The following FAT4 variants were observed in gnomAD, a reference collection of about 807,000 sequenced individuals.
The protein encoded by FAT4 is FAT atypical cadherin 4, also known as protocadherin Fat 4.
In FAT4, 84 loss-of-function variants were observed where a neutral mutation model predicts 303.9. The ratio of observed to expected loss-of-function variants is 0.28; its 90% CI spans 0.23 to 0.33. FAT4 has a LOEUF of 0.33. Ranked by LOEUF, FAT4 falls within the 10% of genes least tolerant of loss-of-function variation. The pLI is 1.00. For missense variants in FAT4, 6,005 were observed against 6,146.8 expected (o/e 0.98, Z 0.77); for synonymous variants, 2,307 against 2,298.8 (o/e 1.00, Z -0.10).
In FAT4 at chr4:125,320,541, A is replaced by C. The variant is rs748256411; in HGVS notation, c.4130A>C (p.Lys1377Thr). The C allele has an allele frequency of 6.2e-7, 1 of 1,614,058 alleles. No individual in the cohort carries two copies. Among genetic ancestry groups the C allele is most frequent in the Non-Finnish European group, 8.5e-7 (1 of 1,179,948 alleles). The part of the protein sequence containing the change: ...PNTGSIFLAK[K>T]LDFETQSLYK... ...ACTGGGAGTATTTTTCTTGCCAAAA[A>C]ACTGGACTTTGAAACACAGTCTTTG... Residue 1377 changes from lysine (K) to threonine (T), a missense_variant, in exon 2 of 18, where the codon AAA (lysine) becomes ACA (threonine). Physicochemically the swap from Lys to Thr is moderately conservative, Grantham distance 78. Coordinates refer to ENST00000394329, the MANE Select transcript of FAT4 (RefSeq NM_001291303.3).
chr4:125,405,863 T>C (rs1734581806), intron 3 of FAT4, among the ~76,000 whole-genome samples: 1 of 152,168 alleles, frequency 6.6e-6, no homozygotes, highest in African/African-American at 2.4e-5. Flanking sequence ...TTAACCATTT[T>C]TTTATTGGAT....
chr4:125,353,477 T>C (rs923376893), intron 2 of FAT4, among the ~76,000 whole-genome samples: 1 of 151,682 alleles, frequency 6.6e-6, no homozygotes, highest in East Asian at 1.9e-4. Context: ...GATGAATATG[T>C]TTTAAAGTAA....
chr4:125,469,044 A>G (rs988356842), intron 12 of FAT4, among the ~76,000 whole-genome samples: 3 of 152,194 alleles, frequency 2.0e-5, no homozygotes, highest in African/African-American at 7.2e-5. Context: ...AATTTCATTG[A>G]TATTTTTTGT....
At chr4:125,376,448 G>A (rs1733324165) in intron 2 of FAT4, among the ~76,000 whole-genome samples, 1 of 152,126 alleles carries the variant, frequency 6.6e-6, no homozygotes, top group Non-Finnish European at 1.5e-5. Context: ...GGGGCCTGTC[G>A]TGGGGTGAGG....
intron 2 of FAT4, among the ~76,000 whole-genome samples, chr4:125,397,790 T>C (rs968446001): frequency 6.6e-6 from 1 of 152,174 alleles, no homozygotes; most frequent in African/African-American, 2.4e-5. Flanking sequence ...AGAATTATTT[T>C]GCTCTCCCCA....
chr4:125,354,545 C>T (rs186284137), intron 2 of FAT4, among the ~76,000 whole-genome samples: 166 of 151,646 alleles, frequency 1.1e-3, no homozygotes, highest in African/African-American at 3.9e-3. Flanking sequence ...AGTCCCAGGC[C>T]AATTTAAACA....
At chr4:125,481,868 T>G (rs1349732859) in intron 16 of FAT4, 130 bp downstream of exon 16, 1 of 734,098 alleles carries the variant, frequency 1.4e-6, no homozygotes, top group African/African-American at 1.8e-5. Flanking sequence ...CTGGGCACTA[T>G]TCCAATGTCA....
chr4:125,491,822 T>C lies in FAT4; in HGVS notation c.*54T>C. ...AAAACAAGAAATAATACTCAAACCATTGTAAAGTTGCTGACTAGGTTGGGT... is the reference window on the plus strand; with the variant it reads ...AAAACAAGAAATAATACTCAAACCACTGTAAAGTTGCTGACTAGGTTGGGT... On this transcript the variant is annotated 3_prime_UTR_variant, in exon 18 of 18. Transcript: ENST00000394329. 6.7e-7 allele frequency: 1 copy of C among 1,489,800 alleles called. No individual in the cohort carries two copies. The highest frequency in any genetic ancestry group is 8.9e-7 in the Non-Finnish European group (1 of 1,117,998). The allele number at this position is 1,489,800 out of a possible 1,614,324, so 92.3% of individuals were successfully genotyped here.
At chr4:125,335,921 A>G (rs1042014527) in intron 2 of FAT4, among the ~76,000 whole-genome samples, 4 of 152,058 alleles carry the variant, frequency 2.6e-5, no homozygotes, top group Admixed American at 1.3e-4. Context: ...ATAGCACTGC[A>G]TATTTTCCTA....
At chr4:125,371,148 C>CA (rs1197394937) in intron 2 of FAT4, among the ~76,000 whole-genome samples, 49,702 of 97,630 alleles carry the variant, frequency 0.51, 10,614 homozygotes, top group Non-Finnish European at 0.55. Context: ...AACTCCATCT[C>CA]AAAAAAAAAA....
In FAT4 at chr4:125,490,115, C is replaced by G; in HGVS notation, c.13299C>G (p.Ala4433=). 2 of 1,614,008 alleles carry G rather than the reference C, an allele frequency of 1.2e-6. No individual in the cohort carries two copies. The highest frequency in any genetic ancestry group is 1.7e-6 in the Non-Finnish European group (2 of 1,179,996). ...GGTGTGTCCCTCCTGGGGACTGTGC[C>G]TCCCACCCGTGCCAGAATGGTGGCA... ...AYRCVPPGDC[A]SHPCQNGGSC... Residue 4433 remains alanine, a synonymous_variant, in exon 18 of 18, where the codon GCC becomes GCG. Transcript: ENST00000394329.
At chr4:125,359,141 A>T (rs142378190) in intron 2 of FAT4, among the ~76,000 whole-genome samples, 1 of 152,286 alleles carries the variant, frequency 6.6e-6, no homozygotes, top group Non-Finnish European at 1.5e-5. Flanking sequence ...CTGGCACATC[A>T]TCACATAGTA....
Position 125,321,441 on chromosome 4 carries a change from T to C in FAT4, c.5030T>C (p.Val1677Ala), listed in dbSNP as rs371042493. 26 of 1,613,992 alleles carry C rather than the reference T, an allele frequency of 1.6e-5. No individual in the cohort carries two copies. Among genetic ancestry groups the C allele is most frequent in the East Asian group, 2.2e-5 (1 of 44,888 alleles). ...TCAGTTCGTTGTGAAGAAAAAACTG[T>C]TGGACGCCTCTTTACTATTGGACGA... Reference protein sequence around the residue: ...IVSVRCEEKTVGRLFTIGRHT... With the variant: ...IVSVRCEEKTAGRLFTIGRHT... The change falls in exon 2 of 18, where the codon GTT becomes GCT. Residue 1677 changes from valine (V) to alanine (A), a missense_variant. Physicochemically the swap from Val to Ala is moderately conservative, Grantham distance 64. Coordinates refer to ENST00000394329, the MANE Select transcript of FAT4 (RefSeq NM_001291303.3).
chr4:125,316,998 A>T lies in FAT4; in HGVS notation c.587A>T (p.Glu196Val), dbSNP rs761691582. 1.9e-6 allele frequency: 3 copies of T among 1,613,990 alleles called. No individual in the cohort carries two copies. The Admixed American group carries it at 5.0e-5, about 27-fold the overall frequency. The change falls in exon 2 of 18, where the codon GAG becomes GTG. Residue 196 changes from glutamate to valine, a missense_variant. Coordinates refer to ENST00000394329, the MANE Select transcript of FAT4 (RefSeq NM_001291303.3). This position sits in a 1 kb window ranked among gnomAD's most constrained non-coding sequence, Gnocchi z 5.7. ...GACATCACCCTGAACCCGAGCGGCG[A>T]GGGAGCGTTCCTGCATCTGGTGTCC... ...RLDITLNPSG[E>V]GAFLHLVSKG... is the part of the protein sequence containing the mutation.
rs1730623229 is a variant in FAT4 at position 125,316,823 on chromosome 4, C to G, written c.412C>G (p.Pro138Ala). The change falls in exon 2 of 18, where the codon CCC becomes GCC. Residue 138 changes from proline to alanine, a missense_variant. Coordinates refer to ENST00000394329, the MANE Select transcript of FAT4 (RefSeq NM_001291303.3). The surrounding 1 kb of genome is among the most constrained non-coding windows in gnomAD (Gnocchi z 5.7). The part of the protein sequence containing the change: ...LNDNAPVFPD[P>A]SIVVTFKEDS... The stretch of plus-strand genomic sequence containing the variant: ...TGACAACGCCCCCGTTTTCCCGGAC[C>G]CCTCTATCGTGGTCACTTTCAAGGA... The G allele has an allele frequency of 1.9e-6, 3 of 1,613,866 alleles. No homozygotes were observed. Among genetic ancestry groups the G allele is most frequent in the African/African-American group, 1.3e-5 (1 of 74,908 alleles).
chr4:125,461,270 G>A (rs190547680), intron 10 of FAT4, among the ~76,000 whole-genome samples: 33 of 151,964 alleles, frequency 2.2e-4, no homozygotes, highest in Admixed American at 1.1e-3. Context: ...AGAACAACAC[G>A]TAAATTTCAT....
chr4:125,452,370 G>A lies in FAT4; in HGVS notation c.11360G>A (p.Ser3787Asn), dbSNP rs1413982498. ...NPSGVATFFE[S>N]IKEILLRQSG... ...AGTGGCGTAGCCACCTTCTTTGAAAGCATCAAAGAGATCCTTCTCCGGCAG... is the reference window on the plus strand; with the variant it reads ...AGTGGCGTAGCCACCTTCTTTGAAAACATCAAAGAGATCCTTCTCCGGCAG... The change falls in exon 10 of 18, where the codon AGC (serine) becomes AAC (asparagine). Residue 3787 changes from serine to asparagine, a missense_variant. By Grantham distance (46) the Ser-to-Asn change is conservative. Coordinates refer to ENST00000394329, the MANE Select transcript of FAT4 (RefSeq NM_001291303.3). 4.3e-6 allele frequency: 7 copies of A among 1,614,014 alleles called. No individual in the cohort carries two copies. In the African/African-American group the frequency reaches 8.0e-5, roughly 18 times the overall value.
intron 2 of FAT4, among the ~76,000 whole-genome samples, chr4:125,335,498 T>G (rs1731536477): frequency 6.6e-6 from 1 of 151,968 alleles, no homozygotes; most frequent in African/African-American, 2.4e-5. Context: ...CAATACTATT[T>G]GGGAAAAAAA....
chr4:125,346,490 A>G (rs748772434), intron 2 of FAT4, among the ~76,000 whole-genome samples: 4 of 151,968 alleles, frequency 2.6e-5, no homozygotes, highest in Non-Finnish European at 4.4e-5. Context: ...AATGCAAACT[A>G]TTGAATCATA....
Sources: gnomAD v4.1 joint callset for allele counts (sites outside exome capture counted in the v4.1 genomes callset) on GRCh38, gnomAD v4.1.1 for gene constraint, Gnocchi (gnomAD v3.1) non-coding constraint, MANE v1.5 for transcripts, NCBI Gene and HGNC (gene_info 2026-07-23, HGNC 2026-07-21) for gene names.